CRIM1: variants seen among roughly 807,000 people sequenced by gnomAD.
CRIM1 encodes cysteine rich transmembrane BMP regulator 1.
CRIM1 carries 32 observed loss-of-function variants against 116.4 expected under a neutral mutation model. The observed-to-expected ratio is 0.27, with a 90% CI of 0.21 to 0.37. CRIM1 has a LOEUF of 0.37. Ranked by LOEUF, CRIM1 falls within the 10% of genes least tolerant of loss-of-function variation. CRIM1 has a pLI of 1.00. For synonymous variants in CRIM1, 590 were observed against 509.2 expected (o/e 1.16, Z -2.13); for missense variants, 1,331 against 1,354.8 (o/e 0.98, Z 0.28).
chr2:36,479,792 A>C, intron 7 of CRIM1, 98 bp downstream of exon 7: 2 of 1,223,586 alleles, frequency 1.6e-6, no homozygotes, highest in Non-Finnish European at 2.4e-6. Context: ...CTTGGGCATA[A>C]TGTCTGCTTC....
At chr2:36,378,001 T>C in intron 1 of CRIM1, among the ~76,000 whole-genome samples, 1 of 152,176 alleles carries the variant, frequency 6.6e-6, no homozygotes, top group East Asian at 1.9e-4. Flanking sequence ...GACAAAGCCA[T>C]CAGGTGATTT....
chr2:36,489,367 T>G (rs1383186318), intron 7 of CRIM1, among the ~76,000 whole-genome samples: 2 of 152,200 alleles, frequency 1.3e-5, no homozygotes, highest in Non-Finnish European at 2.9e-5. Context: ...AGCTATCCAC[T>G]TGGGATGGCC....
Position 36,493,713 on chromosome 2 carries a change from C to T in CRIM1, c.1373-5506C>T, listed in dbSNP as rs564959607. On this transcript the variant is annotated intron_variant, in intron 7 of 16. Transcript: ENST00000280527. ...AGCTCATAGTAATCTATCTAAGAAC[C>T]TTGTATGGATTAATTCAAAACCAGC... 8.9e-4 allele frequency among the ~76,000 whole-genome samples: 136 copies of T among 152,232 alleles called. 1 individual carries two copies. Among genetic ancestry groups the T allele is most frequent in the Middle Eastern group, 6.8e-3 (2 of 294 alleles).
intron 1 of CRIM1, among the ~76,000 whole-genome samples, chr2:36,390,577 T>TTTTG (rs780421556): frequency 2.2e-4 from 34 of 152,174 alleles, no homozygotes; most frequent in African/African-American, 7.7e-4. Flanking sequence ...TATGGGGGTT[T>TTTTG]TTTGTTTGTT....
At chr2:36,443,420 T>A (rs1676009413) in intron 4 of CRIM1, among the ~76,000 whole-genome samples, 1 of 152,174 alleles carries the variant, frequency 6.6e-6, no homozygotes, top group African/African-American at 2.4e-5. Context: ...GGAAGACTGT[T>A]CTTGGAAATG....
chr2:36,488,269 T>C (rs1032148953), intron 7 of CRIM1, among the ~76,000 whole-genome samples: 3 of 152,166 alleles, frequency 2.0e-5, no homozygotes, highest in Admixed American at 1.3e-4. Context: ...GTAGGACAGG[T>C]TCAAAGAGGG....
chr2:36,502,143 A>G (rs554032243), intron 8 of CRIM1, among the ~76,000 whole-genome samples: 3 of 152,272 alleles, frequency 2.0e-5, no homozygotes, highest in South Asian at 4.2e-4. Context: ...GGGTTTTGCT[A>G]TTGTGAAATC....
chr2:36,458,360 A>G (rs1357962098), intron 4 of CRIM1, among the ~76,000 whole-genome samples: 1 of 152,144 alleles, frequency 6.6e-6, no homozygotes, highest in Non-Finnish European at 1.5e-5. Flanking sequence ...AGGGGCAAAC[A>G]GGACTCCTAG....
intron 13 of CRIM1, among the ~76,000 whole-genome samples, chr2:36,524,870 A>G (rs1260898330): frequency 6.6e-6 from 1 of 152,094 alleles, no homozygotes; most frequent in African/African-American, 2.4e-5. Context: ...TAGATTATAC[A>G]TTCTTCATTG....
In CRIM1 at chr2:36,383,371, A is replaced by C. The variant is rs114892370; in HGVS notation, c.332-13243A>C. ...TCCTTGGAAGGCCTGAATTATTATA[A>C]AGTTTATTTCTTTGCATCTCAATCA... On this transcript the variant is annotated intron_variant, in intron 1 of 16. Transcript: ENST00000280527. Among the ~76,000 whole-genome samples, 494 of 152,346 alleles carry C rather than the reference A, an allele frequency of 3.2e-3. 2 individuals are homozygous for C. The highest frequency in any genetic ancestry group is 0.01 in the Middle Eastern group (3 of 294).
rs201277399 is a variant in CRIM1, at chr2:36,393,424, CT to C, written c.332-3183del. Among the ~76,000 whole-genome samples the C allele has an allele frequency of 8.6e-3, 1,310 of 151,884 alleles. 19 individuals carry two copies. The highest frequency in any genetic ancestry group is 0.044 in the Middle Eastern group (13 of 294). ...CACACACACATTTTTTAATTAGACACTTTTTTTGTTAAAGACACAACTGCAT... is the reference window on the plus strand; with the variant it reads ...CACACACACATTTTTTAATTAGACACTTTTTTGTTAAAGACACAACTGCAT... On this transcript the variant is annotated intron_variant, in intron 1 of 16. Transcript: ENST00000280527.
intron 7 of CRIM1, among the ~76,000 whole-genome samples, chr2:36,492,566 G>T (rs1208058952): frequency 6.6e-6 from 1 of 151,810 alleles, no homozygotes; most frequent in African/African-American, 2.4e-5. Flanking sequence ...TTCCCAAGAT[G>T]CAATTATGTT....
At chr2:36,413,243 G>C (rs538271028) in intron 2 of CRIM1, among the ~76,000 whole-genome samples, 1 of 152,262 alleles carries the variant, frequency 6.6e-6, no homozygotes, top group South Asian at 2.1e-4. Flanking sequence ...CATGCATAAA[G>C]TGAGAGGGCC....
At chr2:36,425,929 C>G (rs956454281) in intron 2 of CRIM1, among the ~76,000 whole-genome samples, 2 of 152,194 alleles carry the variant, frequency 1.3e-5, no homozygotes, top group Non-Finnish European at 2.9e-5. Context: ...TCATTTGAAT[C>G]AGGTGAAGCC....
At chr2:36,546,299 AAG>A (rs1169912243) in intron 15 of CRIM1, among the ~76,000 whole-genome samples, 4 of 152,318 alleles carry the variant, frequency 2.6e-5, no homozygotes, top group East Asian at 1.9e-4. Context: ...CATTCATTGT[AAG>A]AGAGATATTT....
chr2:36,541,948 T>G (rs1666972265), intron 14 of CRIM1, among the ~76,000 whole-genome samples: 1 of 152,186 alleles, frequency 6.6e-6, no homozygotes, highest in Admixed American at 6.5e-5. Flanking sequence ...AACAAGCAGT[T>G]TTTTAACTGA....
intron 7 of CRIM1, among the ~76,000 whole-genome samples, chr2:36,483,100 A>G (rs1386205214): frequency 6.6e-6 from 1 of 152,154 alleles, no homozygotes; most frequent in Non-Finnish European, 1.5e-5. Context: ...GTATACAGAT[A>G]AGCCTTTCCA....
rs191610554 is a variant in CRIM1, at chr2:36,412,717, A to G, written c.505+15930A>G. On this transcript the variant is annotated intron_variant, in intron 2 of 16. Transcript: ENST00000280527. ...AAATTTGATATACAAAATTTTATAC[A>G]TCTTAAATTTATATATCTTTGATAT... Among the ~76,000 whole-genome samples, 446 of 152,326 alleles carry G rather than the reference A, an allele frequency of 2.9e-3. 1 individual carries two copies. Among genetic ancestry groups the G allele is most frequent in the African/African-American group, 0.01 (418 of 41,564 alleles).
At chr2:36,543,492 T>C (rs1667097319) in intron 14 of CRIM1, among the ~76,000 whole-genome samples, 1 of 130,574 alleles carries the variant, frequency 7.7e-6, no homozygotes, top group Non-Finnish European at 1.6e-5. Context: ...TGTTGAGTAA[T>C]TGCTTTATAA....
Sources: allele counts gnomAD v4.1 joint callset (sites outside exome capture counted in the v4.1 genomes callset), GRCh38; gene constraint gnomAD v4.1.1; transcripts MANE v1.5; gene names NCBI Gene and HGNC (gene_info 2026-07-23, HGNC 2026-07-21).